CACNA1E: variants seen among roughly 807,000 people sequenced by gnomAD.
The protein encoded by CACNA1E is calcium voltage-gated channel subunit alpha1 E.
In CACNA1E, 40 loss-of-function variants were observed where a neutral mutation model predicts 259.2. That is an observed-to-expected ratio of 0.15 (90% CI 0.12 to 0.20). The LOEUF (loss-of-function observed/expected upper bound fraction) is 0.20, where lower values mean the gene tolerates loss of function less well. CACNA1E is among the 10% of genes least tolerant of loss of function. CACNA1E has a pLI of 1.00. For synonymous variants in CACNA1E, 1,104 were observed against 1,138.5 expected, an observed-to-expected ratio of 0.97 and a Z score of 0.61; for missense variants, 1,874 against 3,040.1, an observed-to-expected ratio of 0.62 and a Z score of 9.02.
intron 35 of CACNA1E, among the ~76,000 whole-genome samples, chr1:181,769,383 A>ACAT (rs1326859918): frequency 6.6e-6 from 1 of 150,964 alleles, no homozygotes; most frequent in East Asian, 1.9e-4. Context: ...AAATTTAAGA[A>ACAT]CATCTTCACA....
intron 36 of CACNA1E, chr1:181,771,751 G>A (rs897128148): frequency 1.3e-5 from 6 of 470,954 alleles, no homozygotes; most frequent in African/African-American, 1.2e-4. Context: ...TCAGGACAGT[G>A]TTTGCAGACC....
Position 181,805,878 on chromosome 1 carries a change from A to G in CACNA1E, c.*7044A>G, listed in dbSNP as rs952490833. On this transcript the variant is annotated 3_prime_UTR_variant, in exon 48 of 48. Coordinates refer to ENST00000367573, the MANE Select transcript of CACNA1E (RefSeq NM_001205293.3). ...AGAGGGTAGGAAGACAAGCTGTAGA[A>G]CAAAAGCAAAGTGAGGTAGAAAGTA... The G allele has an allele frequency of 6.6e-6, 1 of 152,274 alleles. No homozygotes were observed. The highest frequency in any genetic ancestry group is 1.5e-5 in the Non-Finnish European group (1 of 68,070). The allele number at this position is 152,274 out of a possible 1,614,324, so 9.4% of individuals were successfully genotyped here.
intron 25 of CACNA1E, chr1:181,745,200 A>T (rs1412467111): frequency 3.3e-6 from 1 of 301,714 alleles, no homozygotes; most frequent in African/African-American, 2.2e-5. Flanking sequence ...CTCAGCATGC[A>T]TATTTTTTAG....
At chr1:181,470,551 C>T (rs1217783492) in intron 2 of CACNA1E, among the ~76,000 whole-genome samples, 1 of 151,996 alleles carries the variant, frequency 6.6e-6, no homozygotes, top group African/African-American at 2.4e-5. Context: ...GTTCCTAGGG[C>T]ACTGTGGCAA....
chr1:181,518,105 A>G lies in CACNA1E; in HGVS notation c.512+6595A>G, dbSNP rs560101549. On this transcript the variant is annotated intron_variant, in intron 3 of 47. Transcript: ENST00000367573. ...GGCAGAATGGGTAGAGGGAGGAGACATGAGAACTTGTTATTTAGGAGATGG... is the reference window on the plus strand; with the variant it reads ...GGCAGAATGGGTAGAGGGAGGAGACGTGAGAACTTGTTATTTAGGAGATGG... Among the ~76,000 whole-genome samples the G allele has an allele frequency of 4.7e-4, 71 of 152,230 alleles. 1 individual carries two copies. Among genetic ancestry groups the G allele is most frequent in the African/African-American group, 1.7e-3 (69 of 41,542 alleles).
At chr1:181,791,741 C>G (rs1208198307) in intron 44 of CACNA1E, among the ~76,000 whole-genome samples, 1 of 152,062 alleles carries the variant, frequency 6.6e-6, no homozygotes, top group Non-Finnish European at 1.5e-5. Flanking sequence ...GTACAGACAG[C>G]TTGTACTAAG....
chr1:181,734,041 T>A (rs1655792070), intron 21 of CACNA1E, among the ~76,000 whole-genome samples: 1 of 152,182 alleles, frequency 6.6e-6, no homozygotes, highest in African/African-American at 2.4e-5. Flanking sequence ...GCTGTTTGCT[T>A]TGGTGCATGA....
intron 6 of CACNA1E, among the ~76,000 whole-genome samples, chr1:181,625,425 G>A (rs555016519): frequency 5.3e-5 from 8 of 152,218 alleles, no homozygotes; most frequent in African/African-American, 1.4e-4. Flanking sequence ...TAGTGTACCC[G>A]TCTTTATCAA....
rs143851386 is a variant in CACNA1E at position 181,653,838 on chromosome 1, C to T, written c.1055+2397C>T. Reference sequence around the variant, plus strand: ...AAAGTAACATTCACATGTTCCAGGACTTAGGATGTGAACAAATCTTTTGGG... The same window carrying T: ...AAAGTAACATTCACATGTTCCAGGATTTAGGATGTGAACAAATCTTTTGGG... On this transcript the variant is annotated intron_variant, in intron 7 of 47. Transcript: ENST00000367573. Among the ~76,000 whole-genome samples, 664 of 152,312 alleles carry T rather than the reference C, an allele frequency of 4.4e-3. 1 individual carries two copies. Among genetic ancestry groups the T allele is most frequent in the Admixed American group, 8.8e-3 (135 of 15,306 alleles).
rs1558411437 is a variant in CACNA1E at position 181,800,313 on chromosome 1, C to G, written c.*1479C>G. 6.6e-6 allele frequency: 1 copy of G among 152,660 alleles called. No individual in the cohort carries two copies. 9.5% of individuals were successfully genotyped at this position (152,660 alleles called of 1,614,324 possible). A position where few individuals can be genotyped will look rare whatever the true frequency, so the allele number is the denominator to read the frequency against. The stretch of plus-strand genomic sequence containing the variant: ...GTTCACCTTGAACATGCCCCTGGGC[C>G]AAGATGGGGCTTCACCCCTCCCCAG... On this transcript the variant is annotated 3_prime_UTR_variant, in exon 48 of 48. Transcript: ENST00000367573.
Position 181,717,237 on chromosome 1 carries a change from C to T in CACNA1E, c.1460C>T (p.Ala487Val). Residue 487 changes from alanine (A) to valine (V), a missense_variant, in exon 11 of 48, where the codon GCA becomes GTA. Coordinates refer to ENST00000367573, the MANE Select transcript of CACNA1E (RefSeq NM_001205293.3). ...TACTGGATTGTGCTGAGCCTTGTGG[C>T]ACTCAACACTGCCTGTGTGGCCATT... is the stretch of plus-strand genomic sequence containing the variant. ...VFYWIVLSLV[A>V]LNTACVAIVH... 6.2e-7 allele frequency: 1 copy of T among 1,613,952 alleles called. No individual in the cohort carries two copies. The highest frequency in any genetic ancestry group is 8.5e-7 in the Non-Finnish European group (1 of 1,179,856).
At chr1:181,692,347 C>A (rs771249721) in intron 7 of CACNA1E, among the ~76,000 whole-genome samples, 4 of 152,162 alleles carry the variant, frequency 2.6e-5, no homozygotes, top group Non-Finnish European at 5.9e-5. Context: ...ATAGCCAAAG[C>A]AATCCTAAGT....
intron 3 of CACNA1E, among the ~76,000 whole-genome samples, chr1:181,569,460 A>G (rs1276635542): frequency 2.0e-5 from 3 of 152,358 alleles, no homozygotes; most frequent in Admixed American, 6.5e-5. Flanking sequence ...GCTTATCTCT[A>G]TGTGAACAGT....
intron 3 of CACNA1E, among the ~76,000 whole-genome samples, chr1:181,516,040 G>A (rs72731242): frequency 0.072 from 11,007 of 152,190 alleles, 564 homozygotes; most frequent in South Asian, 0.25. Context: ...CTGCCAGGCT[G>A]CTCATATTCT....
chr1:181,772,339 CT>C, intron 37 of CACNA1E, 108 bp downstream of exon 37: 1 of 1,068,888 alleles, frequency 9.4e-7, no homozygotes. Flanking sequence ...TTGTGCCTCC[CT>C]CCCCTCCTCT....
At chr1:181,374,022 G>A (rs1039506789) in intron 1 of CACNA1E, among the ~76,000 whole-genome samples, 38 of 152,044 alleles carry the variant, frequency 2.5e-4, no homozygotes, top group Admixed American at 1.9e-3. Context: ...CTCTGATTTT[G>A]TTATTTATTT....
intron 3 of CACNA1E, among the ~76,000 whole-genome samples, chr1:181,534,139 G>T (rs1405735967): frequency 2.0e-5 from 3 of 151,960 alleles, no homozygotes; most frequent in African/African-American, 7.2e-5. Flanking sequence ...CTTATTTAAA[G>T]TTTAACAATG....
chr1:181,418,523 G>A (rs760591910), intron 2 of CACNA1E, among the ~76,000 whole-genome samples: 1 of 152,244 alleles, frequency 6.6e-6, no homozygotes, highest in Non-Finnish European at 1.5e-5. Flanking sequence ...TCTGTACTCA[G>A]GACCTCTTCC....
At chr1:181,785,652 C>T (rs1298072716) in intron 42 of CACNA1E, 61 bp from the exon 43 acceptor site, 6 of 1,165,764 alleles carry the variant, frequency 5.1e-6, no homozygotes, top group Non-Finnish European at 7.7e-6. Context: ...ATTTTATTTT[C>T]CCCACAGCAA....
Sources: allele counts gnomAD v4.1 joint callset (sites outside exome capture counted in the v4.1 genomes callset), GRCh38; gene constraint gnomAD v4.1.1; transcripts MANE v1.5; gene names NCBI Gene and HGNC (gene_info 2026-07-23, HGNC 2026-07-21).